CRACDL: variants seen among roughly 807,000 people sequenced by gnomAD.
CRACDL encodes CRACD-like protein.
Under a neutral mutation model 70.6 loss-of-function variants are expected in CRACDL, and 26 were observed. The observed-to-expected ratio is 0.37, with a 90% confidence interval of 0.27 to 0.51. The LOEUF is 0.51. Ranked by LOEUF, CRACDL falls within the 20% of genes least tolerant of loss-of-function variation. CRACDL has a pLI of 0.94. For synonymous variants in CRACDL, 618 were observed against 615.2 expected, an observed-to-expected ratio of 1.00 and a Z score of -0.07; for missense variants, 1,283 against 1,376.9, an observed-to-expected ratio of 0.93 and a Z score of 1.08.
At chr2:98,818,705 GATA>G (rs1280781084) in intron 7 of CRACDL, among the ~76,000 whole-genome samples, 4 of 152,338 alleles carry the variant, frequency 2.6e-5, no homozygotes, top group Non-Finnish European at 2.9e-5. Context: ...TAGTAGAAGT[GATA>G]ATAATCAATG....
rs769393920 is a variant in CRACDL at position 98,797,354 on chromosome 2, C to T, written c.2600G>A (p.Gly867Asp). ...AGAAGTATTTGCTCTAAGCACCTGG[C>T]CTCTCTCGGGCACCTTGGCTTGCTT... ...PGKQAKVPER[G>D]QEPVKQADFV... is the part of the protein sequence containing the mutation. Residue 867 changes from glycine (G) to aspartate (D), a missense_variant, in exon 8 of 10, where the codon GGC becomes GAC. By Grantham distance (94) the Gly-to-Asp change is moderately conservative. Around this residue, in one of 2 missense-constraint regions of CRACDL, gnomAD observed 921 missense variants for 881.9 expected, o/e 1.04. Coordinates refer to ENST00000397899, the MANE Select transcript of CRACDL (RefSeq NM_207362.3). The T allele has an allele frequency of 6.8e-5, 110 of 1,613,996 alleles. No homozygotes were observed. The highest frequency in any genetic ancestry group is 8.2e-5 in the Non-Finnish European group (97 of 1,179,970).
chr2:98,812,601 T>A (rs1704619380), intron 7 of CRACDL, among the ~76,000 whole-genome samples: 2 of 152,204 alleles, frequency 1.3e-5, no homozygotes, highest in Admixed American at 6.5e-5. Context: ...CCCTAATGGC[T>A]AATGATGGTA....
At chr2:98,855,414 G>A (rs1706660393) in intron 1 of CRACDL, among the ~76,000 whole-genome samples, 1 of 151,978 alleles carries the variant, frequency 6.6e-6, no homozygotes, top group Non-Finnish European at 1.5e-5. Context: ...AAGAAATAAG[G>A]ATATATCACG....
Position 98,797,496 on chromosome 2 carries a change from C to T in CRACDL, c.2458G>A (p.Gly820Arg). The T allele has an allele frequency of 3.1e-6, 5 of 1,614,162 alleles. No individual in the cohort carries two copies. The highest frequency in any genetic ancestry group is 4.2e-6 in the Non-Finnish European group (5 of 1,180,046). The change falls in exon 8 of 10, where the codon GGG becomes AGG. Residue 820 changes from glycine to arginine, a missense_variant. Physicochemically the swap from Gly to Arg is moderately radical, Grantham distance 125. Transcript: ENST00000397899. ...PPAATGPGAD[G>R]QPAPPWITVT... ...GTGATCCAGGGTGGCGCAGGCTGCC[C>T]ATCAGCTCCAGGCCCTGTTGCTGCA...
At chr2:98,838,644 G>A (rs1705896745) in intron 2 of CRACDL, among the ~76,000 whole-genome samples, 1 of 152,156 alleles carries the variant, frequency 6.6e-6, no homozygotes, top group Non-Finnish European at 1.5e-5. Context: ...TCCAGCCTTA[G>A]TGACAGAGCA....
At chr2:98,890,526 C>T (rs1707934283) in intron 1 of CRACDL, among the ~76,000 whole-genome samples, 1 of 152,154 alleles carries the variant, frequency 6.6e-6, no homozygotes, top group Non-Finnish European at 1.5e-5. Context: ...AAAGAAAAGC[C>T]AAGGCTCAGG....
At chr2:98,902,738 C>T (rs1224272043) in intron 1 of CRACDL, among the ~76,000 whole-genome samples, 4 of 152,096 alleles carry the variant, frequency 2.6e-5, no homozygotes, top group African/African-American at 9.7e-5. Flanking sequence ...TTGCCACGGC[C>T]CAGCCTCCCT....
At chr2:98,905,912 C>T (rs527729784) in intron 1 of CRACDL, among the ~76,000 whole-genome samples, 2 of 152,068 alleles carry the variant, frequency 1.3e-5, no homozygotes, top group South Asian at 2.1e-4. Flanking sequence ...TCACCATGCC[C>T]GGCCTAGGTG....
At chr2:98,874,357 T>C (rs925675099) in intron 1 of CRACDL, among the ~76,000 whole-genome samples, 1 of 152,250 alleles carries the variant, frequency 6.6e-6, no homozygotes, top group Non-Finnish European at 1.5e-5. Context: ...GCCCCCCTGA[T>C]GGTTTCTCAC....
intron 8 of CRACDL, 46 bp from the exon 9 acceptor site, chr2:98,796,310 A>T (rs766868954): frequency 3.8e-6 from 6 of 1,576,934 alleles, no homozygotes; most frequent in Admixed American, 1.7e-5. Flanking sequence ...AATGATTCAG[A>T]CAGGGGCAAA....
chr2:98,813,110 G>A (rs779596683), intron 7 of CRACDL, among the ~76,000 whole-genome samples: 26 of 152,062 alleles, frequency 1.7e-4, no homozygotes, highest in Non-Finnish European at 3.1e-4. Flanking sequence ...TGGTTGTGAT[G>A]TACAATTTGA....
Position 98,822,349 on chromosome 2 carries a change from C to T in CRACDL, c.1924G>A (p.Asp642Asn), listed in dbSNP as rs1427452340. 4 of 1,461,486 alleles carry T rather than the reference C, an allele frequency of 2.7e-6. No homozygotes were observed. Among genetic ancestry groups the T allele is most frequent in the South Asian group, 1.4e-5 (1 of 73,856 alleles). 90.5% of individuals were successfully genotyped at this position (1,461,486 alleles called of 1,614,324 possible). The change falls in exon 7 of 10, where the codon GAC becomes AAC. Residue 642 changes from aspartate (D) to asparagine (N), a missense_variant. Transcript: ENST00000397899. This position sits in a 1 kb window ranked among gnomAD's most constrained non-coding sequence, Gnocchi z 4.9. The stretch of plus-strand genomic sequence containing the variant: ...GGCCCGGCCGGGCTGGCCGCCCTGT[C>T]CCCCGAGTCCTGAGGGCCGCGCTCC... ...LAERGPQDSG[D>N]RAASPAGPRK...
chr2:98,919,728 A>C (rs1245573008), intron 1 of CRACDL, among the ~76,000 whole-genome samples: 2 of 152,178 alleles, frequency 1.3e-5, no homozygotes, highest in Non-Finnish European at 2.9e-5. Context: ...TTTCCATCAC[A>C]ATACCAAACT....
intron 1 of CRACDL, among the ~76,000 whole-genome samples, chr2:98,913,395 C>A (rs115350692): frequency 6.6e-6 from 1 of 152,064 alleles, no homozygotes; most frequent in African/African-American, 2.4e-5. Flanking sequence ...AGTCAGCCAG[C>A]GGGGCAGGTC....
chr2:98,883,696 G>A (rs181442697), intron 1 of CRACDL, among the ~76,000 whole-genome samples: 16 of 152,312 alleles, frequency 1.1e-4, no homozygotes, highest in Non-Finnish European at 2.1e-4. Context: ...ACCCGAGCCC[G>A]GGTAGAACAG....
intron 1 of CRACDL, among the ~76,000 whole-genome samples, chr2:98,877,949 C>CTTTT (rs35403434): frequency 7.2e-6 from 1 of 138,426 alleles, no homozygotes; most frequent in Non-Finnish European, 1.5e-5. Context: ...CATTTTTAAT[C>CTTTT]TTTTTTTTTT....
chr2:98,894,759 A>G (rs945194049), intron 1 of CRACDL, among the ~76,000 whole-genome samples: 1 of 152,178 alleles, frequency 6.6e-6, no homozygotes, highest in Non-Finnish European at 1.5e-5. Context: ...CTCCCTAAGC[A>G]GAATGTAAGC....
At chr2:98,832,074 G>C (rs781323978) in intron 5 of CRACDL, among the ~76,000 whole-genome samples, 1 of 152,154 alleles carries the variant, frequency 6.6e-6, no homozygotes, top group African/African-American at 2.4e-5. Flanking sequence ...AGACAGGAAA[G>C]TCAAGGGACA....
At chr2:98,805,683 C>T (rs1704262671) in intron 7 of CRACDL, among the ~76,000 whole-genome samples, 1 of 152,206 alleles carries the variant, frequency 6.6e-6, no homozygotes, top group South Asian at 2.1e-4. Context: ...TAGGGGCAAA[C>T]AGAAGGACAC....
Sources: gnomAD v4.1 joint callset for allele counts (sites outside exome capture counted in the v4.1 genomes callset) on GRCh38, gnomAD v4.1.1 for gene constraint, gnomAD v4.1.1 regional missense constraint, Gnocchi (gnomAD v3.1) non-coding constraint, MANE v1.5 for transcripts, NCBI Gene and HGNC (gene_info 2026-07-23, HGNC 2026-07-21) for gene names.